FRMD5: variants seen among roughly 807,000 people sequenced by gnomAD.
FRMD5 encodes FERM domain containing 5.
FRMD5 carries 20 observed loss-of-function variants against 69.0 expected under a neutral mutation model. That is an observed-to-expected ratio of 0.29 (90% CI 0.20 to 0.42). FRMD5 has a LOEUF of 0.42. Ranked by LOEUF, FRMD5 falls within the 10% of genes least tolerant of loss-of-function variation. FRMD5 has a pLI of 1.00. For synonymous variants in FRMD5, 271 were observed against 260.1 expected (o/e 1.04, Z -0.40); for missense variants, 595 against 708.6 (o/e 0.84, Z 1.82).
chr15:44,162,632 C>A (rs534622724), intron 1 of FRMD5, among the ~76,000 whole-genome samples: 1 of 152,022 alleles, frequency 6.6e-6, no homozygotes, highest in South Asian at 2.1e-4. Flanking sequence ...CTTTGGGAGG[C>A]CAAGGCAGGC....
intron 1 of FRMD5, chr15:43,989,729 A>C: frequency 9.9e-7 from 1 of 1,006,338 alleles, no homozygotes; most frequent in Non-Finnish European, 1.6e-6. Context: ...GTAGTCCATC[A>C]CGATGTCAGT....
chr15:44,122,315 C>CA (rs2076964343), intron 1 of FRMD5, among the ~76,000 whole-genome samples: 1 of 151,914 alleles, frequency 6.6e-6, no homozygotes, highest in Non-Finnish European at 1.5e-5. Flanking sequence ...TGTAATCCAG[C>CA]ACTTTGGGAG....
intron 1 of FRMD5, among the ~76,000 whole-genome samples, chr15:44,031,455 T>C (rs867435213): frequency 5.9e-5 from 9 of 152,180 alleles, no homozygotes; most frequent in Middle Eastern, 3.2e-3. Flanking sequence ...CAGCCATTCA[T>C]GGTGTCTGGT....
intron 1 of FRMD5, among the ~76,000 whole-genome samples, chr15:44,180,729 G>C (rs1371465395): frequency 6.6e-6 from 1 of 152,076 alleles, no homozygotes; most frequent in Non-Finnish European, 1.5e-5. Context: ...AAGTTGCAGT[G>C]AGCTGAGATC....
chr15:43,875,795 C>T (rs1335647154), intron 13 of FRMD5: 4 of 578,922 alleles, frequency 6.9e-6, no homozygotes, highest in Non-Finnish European at 1.2e-5. Flanking sequence ...CTTTGGTGTC[C>T]TGGGCCTAGT....
rs867140590 is a variant in FRMD5, at chr15:44,050,473, C to T, written c.103-126164G>A. Among the ~76,000 whole-genome samples, 29 of 151,018 alleles carry T rather than the reference C, an allele frequency of 1.9e-4. No individual in the cohort carries two copies. In the Middle Eastern group the frequency reaches 9.7e-3, roughly 50 times the overall value. ...CTCCTGAGCTCAAGCTGTCCTCCTA[C>T]CTCAGCCTCCCGAGTAGCTGGGGAC... On this transcript the variant is annotated intron_variant, in intron 1 of 13. Transcript: ENST00000417257.
At chr15:44,033,934 T>G (rs1452126034) in intron 1 of FRMD5, among the ~76,000 whole-genome samples, 3 of 152,176 alleles carry the variant, frequency 2.0e-5, no homozygotes, top group Non-Finnish European at 2.9e-5. Context: ...AAAAGGTGAT[T>G]AGGATTCGCT....
chr15:44,133,079 C>A (rs940959012), intron 1 of FRMD5, among the ~76,000 whole-genome samples: 1 of 151,516 alleles, frequency 6.6e-6, no homozygotes, highest in Non-Finnish European at 1.5e-5. Context: ...GTATTTAATA[C>A]CACTGAACTT....
intron 10 of FRMD5, 44 bp from the exon 11 acceptor site, chr15:43,885,799 C>T (rs768299628): frequency 1.4e-5 from 20 of 1,476,434 alleles, no homozygotes; most frequent in Non-Finnish European, 1.8e-5. Flanking sequence ...CCTGAACTGC[C>T]TCACACAGGT....
intron 1 of FRMD5, among the ~76,000 whole-genome samples, chr15:44,061,623 A>G (rs1893090571): frequency 6.6e-6 from 1 of 152,214 alleles, no homozygotes; most frequent in Non-Finnish European, 1.5e-5. Context: ...GCTGTCAGGG[A>G]AGTCCATAAA....
chr15:44,069,670 G>C (rs563896222), intron 1 of FRMD5, among the ~76,000 whole-genome samples: 2 of 152,262 alleles, frequency 1.3e-5, no homozygotes, highest in East Asian at 1.9e-4. Context: ...GAGAGGGTGA[G>C]AGGTGTCTAT....
intron 12 of FRMD5, 63 bp from the exon 13 acceptor site, chr15:43,883,872 G>C: frequency 8.3e-7 from 1 of 1,200,880 alleles, no homozygotes; most frequent in Middle Eastern, 1.9e-4. Context: ...AGGCACTTAA[G>C]AATTGAGTAC....
intron 1 of FRMD5, among the ~76,000 whole-genome samples, chr15:44,039,016 A>G (rs1892062710): frequency 6.6e-6 from 1 of 151,956 alleles, no homozygotes; most frequent in African/African-American, 2.4e-5. Flanking sequence ...GGCATCCACC[A>G]TTGCTAAGGA....
At chr15:43,899,076 A>T (rs2088983586) in intron 7 of FRMD5, among the ~76,000 whole-genome samples, 1 of 152,194 alleles carries the variant, frequency 6.6e-6, no homozygotes, top group South Asian at 2.1e-4. Flanking sequence ...CATGCCCCAG[A>T]TTCCCTGGGC....
At chr15:44,039,402 C>A (rs1439073318) in intron 1 of FRMD5, among the ~76,000 whole-genome samples, 3 of 152,214 alleles carry the variant, frequency 2.0e-5, no homozygotes, top group Non-Finnish European at 2.9e-5. Context: ...TAGGGGCCAA[C>A]AGACATCTCA....
chr15:44,121,661 A>C (rs2076953249), intron 1 of FRMD5, among the ~76,000 whole-genome samples: 2 of 151,888 alleles, frequency 1.3e-5, no homozygotes, highest in South Asian at 4.2e-4. Context: ...CAAAAAAAAA[A>C]CAAAAACAAA....
intron 1 of FRMD5, among the ~76,000 whole-genome samples, chr15:44,048,899 A>T (rs954950892): frequency 1.3e-5 from 2 of 152,110 alleles, no homozygotes; most frequent in South Asian, 4.2e-4. Context: ...TCATATCTAC[A>T]CTAATTTTGA....
At chr15:44,191,238 A>G (rs1029337568) in intron 1 of FRMD5, among the ~76,000 whole-genome samples, 5 of 152,220 alleles carry the variant, frequency 3.3e-5, no homozygotes, top group African/African-American at 1.2e-4. Context: ...TCTATTAGAA[A>G]TGTTGCAATA....
At chr15:44,181,809 G>A (rs553338391) in intron 1 of FRMD5, among the ~76,000 whole-genome samples, 4 of 152,190 alleles carry the variant, frequency 2.6e-5, no homozygotes, top group South Asian at 4.1e-4. Context: ...GGGAGGCTGA[G>A]ACAGGACTGC....
Sources: allele counts gnomAD v4.1 joint callset (sites outside exome capture counted in the v4.1 genomes callset), GRCh38; gene constraint gnomAD v4.1.1; transcripts MANE v1.5; gene names NCBI Gene and HGNC (gene_info 2026-07-23, HGNC 2026-07-21).